Variants in PARD3B observed in about 807,000 individuals in gnomAD.
PARD3B encodes partitioning defective 3 homolog B.
PARD3B carries 103 observed loss-of-function variants against 130.2 expected under a neutral mutation model. That is an observed-to-expected ratio of 0.79 (90% confidence interval 0.67 to 0.93). The LOEUF is 0.93. Among genes scored for constraint, PARD3B ranks in the 40% least tolerant of loss-of-function variants. The pLI is 0.00. For missense variants in PARD3B, 1,609 were observed against 1,499.2 expected (o/e 1.07, Z -1.21); for synonymous variants, 583 against 553.2 (o/e 1.05, Z -0.76).
At chr2:205,005,913 G>C (rs1186045586) in intron 3 of PARD3B, among the ~76,000 whole-genome samples, 1 of 152,040 alleles carries the variant, frequency 6.6e-6, no homozygotes, top group Non-Finnish European at 1.5e-5. Context: ...ACCATCACTT[G>C]AGCAGTGTAC....
chr2:205,115,428 TGTAAAACA>T (rs1703953166), intron 6 of PARD3B, among the ~76,000 whole-genome samples: 2 of 152,152 alleles, frequency 1.3e-5, no homozygotes, highest in African/African-American at 4.8e-5. Context: ...GAAAGTTCCT[TGTAAAACA>T]CCTAATGTAT....
intron 2 of PARD3B, among the ~76,000 whole-genome samples, chr2:204,926,603 A>C (rs1176942714): frequency 6.6e-6 from 1 of 152,086 alleles, no homozygotes; most frequent in Non-Finnish European, 1.5e-5. Context: ...TGTGAGTTCG[A>C]TCCGTGACAG....
chr2:204,915,108 G>T (rs1309796843), intron 2 of PARD3B, among the ~76,000 whole-genome samples: 2 of 152,250 alleles, frequency 1.3e-5, no homozygotes, highest in Admixed American at 1.3e-4. Context: ...CTAAGAGGAT[G>T]GTCTGGGGAA....
In PARD3B at chr2:205,351,617, C is replaced by T. The variant is rs2043996954; in HGVS notation, c.2631-49396C>T. On this transcript the variant is annotated intron_variant, in intron 18 of 22. Transcript: ENST00000406610. This position sits in a 1 kb window ranked among gnomAD's most constrained non-coding sequence, Gnocchi z 4.2. ...CCCATGGGCAGGGAGCAGCTGGGCA[C>T]CAGGAGATCCAACACAGGAGCCACT... Among the ~76,000 whole-genome samples the T allele has an allele frequency of 6.6e-6, 1 of 152,108 alleles. No individual in the cohort carries two copies. Among genetic ancestry groups the T allele is most frequent in the Admixed American group, 6.6e-5 (1 of 15,262 alleles).
intron 18 of PARD3B, among the ~76,000 whole-genome samples, chr2:205,316,836 T>C (rs1345844335): frequency 6.6e-6 from 1 of 152,202 alleles, no homozygotes; most frequent in Admixed American, 6.5e-5. Flanking sequence ...TATTCAATAC[T>C]ATTGAGCAAA....
At chr2:205,009,503 C>G (rs2125304304) in intron 3 of PARD3B, among the ~76,000 whole-genome samples, 1 of 151,774 alleles carries the variant, frequency 6.6e-6, no homozygotes, top group East Asian at 1.9e-4. Flanking sequence ...AACCCTGTCT[C>G]TACTAAAAAT....
At chr2:204,983,308 G>T (rs1393508493) in intron 3 of PARD3B, among the ~76,000 whole-genome samples, 1 of 151,340 alleles carries the variant, frequency 6.6e-6, no homozygotes, top group Non-Finnish European at 1.5e-5. Flanking sequence ...CTGCATTGTG[G>T]TCCTAACCAA....
rs568331012 is a variant in PARD3B, at chr2:204,858,009, T to A, written c.223-107143T>A. Reference sequence around the variant, plus strand: ...TTGGATTTGTCTTTCAAACGGTACTTCAATGGAATTTATCTGGGTTCACAG... The same window carrying A: ...TTGGATTTGTCTTTCAAACGGTACTACAATGGAATTTATCTGGGTTCACAG... On this transcript the variant is annotated intron_variant, in intron 2 of 22. Transcript: ENST00000406610. Among the ~76,000 whole-genome samples the A allele has an allele frequency of 3.3e-5, 5 of 152,264 alleles. No individual in the cohort carries two copies. In the South Asian group the frequency reaches 6.2e-4, roughly 19 times the overall value.
chr2:205,045,030 G>A (rs916492188), intron 3 of PARD3B, among the ~76,000 whole-genome samples: 7 of 151,230 alleles, frequency 4.6e-5, no homozygotes, highest in Non-Finnish European at 5.9e-5. Flanking sequence ...CTCAACAGGA[G>A]ACATTCAGGT....
At chr2:204,584,911 T>C (rs1363394889) in intron 1 of PARD3B, among the ~76,000 whole-genome samples, 1 of 152,078 alleles carries the variant, frequency 6.6e-6, no homozygotes, top group Non-Finnish European at 1.5e-5. Context: ...CTCCAAATGG[T>C]GAGGAACTCA....
At chr2:205,529,579 T>A (rs1324970399) in intron 21 of PARD3B, among the ~76,000 whole-genome samples, 2 of 152,160 alleles carry the variant, frequency 1.3e-5, no homozygotes, top group Non-Finnish European at 2.9e-5. Flanking sequence ...GAATTGAGAC[T>A]CTACATTGTG....
chr2:205,136,119 T>C (rs2032461520), intron 10 of PARD3B, among the ~76,000 whole-genome samples: 1 of 152,178 alleles, frequency 6.6e-6, no homozygotes, highest in South Asian at 2.1e-4. Flanking sequence ...CCGTAATTAA[T>C]CCTTTGCATT....
intron 2 of PARD3B, among the ~76,000 whole-genome samples, chr2:204,813,908 C>T (rs1401419539): frequency 6.6e-6 from 1 of 151,884 alleles, no homozygotes; most frequent in Non-Finnish European, 1.5e-5. Flanking sequence ...GTCATATTGG[C>T]CCTTTAACTT....
intron 4 of PARD3B, among the ~76,000 whole-genome samples, chr2:205,101,047 G>C (rs1209317669): frequency 6.6e-6 from 1 of 152,056 alleles, no homozygotes; most frequent in African/African-American, 2.4e-5. Context: ...AGAAAGTGAA[G>C]ACAACCCAAA....
intron 18 of PARD3B, chr2:205,302,023 G>C (rs2042020754): frequency 1.7e-6 from 1 of 583,390 alleles, no homozygotes; most frequent in South Asian, 2.3e-5. Context: ...GACCAGCCTG[G>C]GCAAGGTAGG....
chr2:204,861,201 TC>T (rs2045179432), intron 2 of PARD3B, among the ~76,000 whole-genome samples: 1 of 134,020 alleles, frequency 7.5e-6, no homozygotes, highest in Non-Finnish European at 1.6e-5. Context: ...TCTCTCTCTC[TC>T]TCTCTCTCTC....
At chr2:205,089,295 T>C (rs1009511779) in intron 4 of PARD3B, among the ~76,000 whole-genome samples, 8 of 151,948 alleles carry the variant, frequency 5.3e-5, no homozygotes, top group African/African-American at 1.5e-4. Flanking sequence ...CTCAGCCTCC[T>C]GAGTAGCTGG....
In PARD3B at chr2:205,287,355, CT is replaced by C. The variant is rs760694752; in HGVS notation, c.2186-13174del. On this transcript the variant is annotated intron_variant, in intron 16 of 22. Transcript: ENST00000406610. The surrounding 1 kb of genome is among the most constrained non-coding windows in gnomAD (Gnocchi z 4.8). The stretch of plus-strand genomic sequence containing the variant: ...GAGGAACATCCACAAAGAAATGTAG[CT>C]GCACCCAGGGTCTCCATGTCAGCAG... Among the ~76,000 whole-genome samples the C allele has an allele frequency of 2.6e-5, 4 of 152,216 alleles. No homozygotes were observed. Among genetic ancestry groups the C allele is most frequent in the Non-Finnish European group, 5.9e-5 (4 of 68,032 alleles).
intron 18 of PARD3B, among the ~76,000 whole-genome samples, chr2:205,361,517 C>T (rs1323107128): frequency 6.6e-6 from 1 of 152,168 alleles, no homozygotes; most frequent in Non-Finnish European, 1.5e-5. Flanking sequence ...CTAACACATT[C>T]TCTATTCAGA....
Sources: gnomAD v4.1 joint callset for allele counts (sites outside exome capture counted in the v4.1 genomes callset) on GRCh38, gnomAD v4.1.1 for gene constraint, Gnocchi (gnomAD v3.1) non-coding constraint, MANE v1.5 for transcripts, NCBI Gene and HGNC (gene_info 2026-07-23, HGNC 2026-07-21) for gene names.